Variants in NAALADL2 observed in about 807,000 individuals in gnomAD.
NAALADL2 encodes N-acetylated alpha-linked acidic dipeptidase like 2.
In NAALADL2, 76 loss-of-function variants were observed where a neutral mutation model predicts 87.2. The ratio of observed to expected loss-of-function variants is 0.87; its 90% CI spans 0.72 to 1.05. The LOEUF is 1.05. Ranked by LOEUF, NAALADL2 falls within the 50% of genes least tolerant of loss-of-function variation. The pLI is 0.00. For missense variants in NAALADL2, 1,089 were observed against 945.8 expected (o/e 1.15, Z -1.99); for synonymous variants, 354 against 331.0 (o/e 1.07, Z -0.75).
chr3:175,613,679 C>T (rs534535258), intron 10 of NAALADL2, among the ~76,000 whole-genome samples: 2 of 152,196 alleles, frequency 1.3e-5, no homozygotes, highest in South Asian at 4.1e-4. Context: ...ACAGATAATG[C>T]CTGTGATGAT....
chr3:175,373,690 T>A (rs1193636397), intron 5 of NAALADL2, among the ~76,000 whole-genome samples: 1 of 152,138 alleles, frequency 6.6e-6, no homozygotes, highest in Non-Finnish European at 1.5e-5. Context: ...AGGAGTGAAA[T>A]TGCTAGGTCA....
At chr3:175,419,202 C>G (rs990668830) in intron 5 of NAALADL2, among the ~76,000 whole-genome samples, 2 of 151,754 alleles carry the variant, frequency 1.3e-5, no homozygotes, top group Non-Finnish European at 2.9e-5. Flanking sequence ...TTTCAAGTAT[C>G]CTTCTCAGTT....
chr3:175,110,126 A>G (rs1471168333), intron 2 of NAALADL2, among the ~76,000 whole-genome samples: 1 of 151,874 alleles, frequency 6.6e-6, no homozygotes, highest in Non-Finnish European at 1.5e-5. Flanking sequence ...TTCACATTAC[A>G]TACAGAACTC....
rs531349975 is a variant in NAALADL2 at position 175,209,545 on chromosome 3, AACTT to A, written c.546-24384_546-24381del. Among the ~76,000 whole-genome samples, 13 of 152,164 alleles carry A rather than the reference AACTT, an allele frequency of 8.5e-5. No homozygotes were observed. In the East Asian group the frequency reaches 1.9e-3, roughly 23 times the overall value. On this transcript the variant is annotated intron_variant, in intron 2 of 13. Coordinates refer to ENST00000454872, the MANE Select transcript of NAALADL2 (RefSeq NM_207015.3). The stretch of plus-strand genomic sequence containing the variant: ...AACAGTGCTTTAGTTGAACTTCTCT[AACTT>A]AAGAATGTTAATCATAGGAAAATTA...
intron 1 of NAALADL2, among the ~76,000 whole-genome samples, chr3:175,032,698 T>C (rs1752940634): frequency 6.6e-6 from 1 of 152,064 alleles, no homozygotes; most frequent in Non-Finnish European, 1.5e-5. Context: ...GACTACAAAA[T>C]TAAAAAATAT....
chr3:174,712,841 T>C (rs1281856698), intron 2 of NAALADL2, among the ~76,000 whole-genome samples: 1 of 152,182 alleles, frequency 6.6e-6, no homozygotes, highest in African/African-American at 2.4e-5. Context: ...TTAGGGTACA[T>C]GTGCACAACG....
chr3:175,594,899 G>T (rs765155861), intron 10 of NAALADL2, among the ~76,000 whole-genome samples: 1 of 151,870 alleles, frequency 6.6e-6, no homozygotes, highest in African/African-American at 2.4e-5. Flanking sequence ...CTAGATATTA[G>T]ACTTTTGTTG....
chr3:175,216,676 T>C (rs1190073011), intron 2 of NAALADL2, among the ~76,000 whole-genome samples: 1 of 145,190 alleles, frequency 6.9e-6, no homozygotes, highest in Non-Finnish European at 1.5e-5. Context: ...TTCTTTTTTT[T>C]TTTTTTTTTT....
intron 1 of NAALADL2, among the ~76,000 whole-genome samples, chr3:174,499,955 TG>T (rs1045859336): frequency 6.6e-6 from 1 of 152,168 alleles, no homozygotes; most frequent in African/African-American, 2.4e-5. Context: ...TTTAAATTTC[TG>T]TAAAAATCCT....
chr3:174,830,193 T>A (rs1182542853), intron 3 of NAALADL2, among the ~76,000 whole-genome samples: 1 of 140,434 alleles, frequency 7.1e-6, no homozygotes, highest in Non-Finnish European at 1.5e-5. Context: ...TCCTTGCCCA[T>A]GCCTATGTCC....
chr3:175,038,470 C>T (rs574429713), intron 1 of NAALADL2, among the ~76,000 whole-genome samples: 2 of 152,222 alleles, frequency 1.3e-5, no homozygotes, highest in African/African-American at 4.8e-5. Flanking sequence ...AAGTTGTAGA[C>T]CTTTGACAAG....
chr3:175,374,230 A>C (rs1766838745), intron 5 of NAALADL2, among the ~76,000 whole-genome samples: 1 of 151,886 alleles, frequency 6.6e-6, no homozygotes, highest in South Asian at 2.1e-4. Flanking sequence ...CCCTATCATA[A>C]ATACGTTTTC....
chr3:174,772,860 G>T (rs68074022), intron 3 of NAALADL2, among the ~76,000 whole-genome samples: 33,054 of 152,042 alleles, frequency 0.22, 3,844 homozygotes, highest in Middle Eastern at 0.29. Flanking sequence ...AGAGAATGTG[G>T]CAAAAATCAA....
chr3:174,926,666 G>T (rs1380601352), intron 1 of NAALADL2, among the ~76,000 whole-genome samples: 2 of 152,104 alleles, frequency 1.3e-5, no homozygotes, highest in Non-Finnish European at 2.9e-5. Flanking sequence ...GAGAGATTTT[G>T]TCACCACCAG....
intron 11 of NAALADL2, among the ~76,000 whole-genome samples, chr3:175,646,851 A>T (rs892653865): frequency 2.6e-5 from 4 of 152,038 alleles, no homozygotes; most frequent in Admixed American, 2.6e-4. Context: ...GTATATCTTT[A>T]TCCAGCCGAG....
chr3:174,561,476 C>T (rs1410296086), intron 2 of NAALADL2, among the ~76,000 whole-genome samples: 5 of 151,946 alleles, frequency 3.3e-5, no homozygotes, highest in African/African-American at 1.2e-4. Context: ...CTGAGATTAC[C>T]GCCATGAGCC....
At chr3:175,089,619 G>A (rs1039801606) in intron 1 of NAALADL2, among the ~76,000 whole-genome samples, 3 of 152,040 alleles carry the variant, frequency 2.0e-5, no homozygotes, top group Non-Finnish European at 4.4e-5. Flanking sequence ...AATTTTGGAT[G>A]ATACATCACG....
intron 2 of NAALADL2, among the ~76,000 whole-genome samples, chr3:175,177,051 A>C (rs1735792782): frequency 1.3e-5 from 2 of 152,110 alleles, no homozygotes; most frequent in Non-Finnish European, 1.5e-5. Context: ...AAGTAGATTA[A>C]GTTTGTCTCT....
chr3:175,674,855 A>G (rs983746354), intron 11 of NAALADL2, among the ~76,000 whole-genome samples: 1 of 152,272 alleles, frequency 6.6e-6, no homozygotes, highest in Non-Finnish European at 1.5e-5. Context: ...TACTTTTGTG[A>G]AAACGCTACT....
Sources: allele counts gnomAD v4.1 joint callset (sites outside exome capture counted in the v4.1 genomes callset), GRCh38; gene constraint gnomAD v4.1.1; transcripts MANE v1.5; gene names NCBI Gene and HGNC (gene_info 2026-07-23, HGNC 2026-07-21).